CSGALNACT1: variants seen among roughly 807,000 people sequenced by gnomAD.
The protein encoded by CSGALNACT1 is beta4GalNAcT-1.
CSGALNACT1 carries 52 observed loss-of-function variants against 51.0 expected under a neutral mutation model. That is an observed-to-expected ratio of 1.02 (90% CI 0.82 to 1.29). CSGALNACT1 has a LOEUF of 1.29. Ranked by LOEUF, CSGALNACT1 falls within the 50% of genes most tolerant of loss-of-function variation. CSGALNACT1 has a pLI of 0.00. For missense variants in CSGALNACT1, 935 were observed against 679.2 expected (o/e 1.38, Z -4.19); for synonymous variants, 341 against 254.4 (o/e 1.34, Z -3.24).
intron 1 of CSGALNACT1, among the ~76,000 whole-genome samples, chr8:19,650,765 G>A (rs1198467643): frequency 2.0e-5 from 3 of 152,194 alleles, no homozygotes; most frequent in Admixed American, 2.0e-4. Flanking sequence ...TGTTTGGAAT[G>A]AGGAATACAT....
chr8:19,487,286 C>T (rs188744221), intron 4 of CSGALNACT1, among the ~76,000 whole-genome samples: 3 of 152,284 alleles, frequency 2.0e-5, no homozygotes, highest in East Asian at 3.9e-4. Context: ...CAAATGAGAA[C>T]ATTTCACCTC....
At chr8:19,616,413 T>C (rs907723011) in intron 1 of CSGALNACT1, among the ~76,000 whole-genome samples, 2 of 151,886 alleles carry the variant, frequency 1.3e-5, no homozygotes, top group Non-Finnish European at 2.9e-5. Flanking sequence ...GAAAAAAAAA[T>C]TGTAGAATCC....
intron 1 of CSGALNACT1, among the ~76,000 whole-genome samples, chr8:19,717,275 C>G (rs561576797): frequency 6.6e-6 from 1 of 152,330 alleles, no homozygotes; most frequent in Non-Finnish European, 1.5e-5. Context: ...TCATTAACCT[C>G]GTGTGACAGA....
intron 4 of CSGALNACT1, among the ~76,000 whole-genome samples, chr8:19,501,177 G>C (rs1380856108): frequency 2.0e-5 from 3 of 151,288 alleles, no homozygotes; most frequent in Admixed American, 6.6e-5. Flanking sequence ...CCGAAACTGG[G>C]AGACAGAGGT....
chr8:19,513,363 G>A (rs1369518573), intron 3 of CSGALNACT1, among the ~76,000 whole-genome samples: 1 of 147,230 alleles, frequency 6.8e-6, no homozygotes, highest in East Asian at 2.1e-4. Flanking sequence ...AGACCCTAAC[G>A]CTCCCAATTC....
intron 8 of CSGALNACT1, among the ~76,000 whole-genome samples, chr8:19,414,106 G>T (rs1291782884): frequency 1.3e-5 from 2 of 152,122 alleles, no homozygotes; most frequent in Non-Finnish European, 2.9e-5. Context: ...AGGCCACGGT[G>T]GGAGTATTTA....
At chr8:19,695,242 A>C (rs1181654635) in intron 1 of CSGALNACT1, among the ~76,000 whole-genome samples, 1 of 152,160 alleles carries the variant, frequency 6.6e-6, no homozygotes, top group Non-Finnish European at 1.5e-5. Context: ...AAATAATTTG[A>C]ATTGTAAGAT....
At chr8:19,617,323 G>T (rs918915116) in intron 1 of CSGALNACT1, among the ~76,000 whole-genome samples, 1 of 152,182 alleles carries the variant, frequency 6.6e-6, no homozygotes, top group Non-Finnish European at 1.5e-5. Flanking sequence ...GTTCCTAGCA[G>T]GCCATGGATG....
chr8:19,458,451 A>G (rs770695314), exon 5 of CSGALNACT1: 1 of 1,614,184 alleles, frequency 6.2e-7, no homozygotes, highest in Non-Finnish European at 8.5e-7. Context: ...AACTGCCGGA[A>G]CTTGTCCACC....
intron 1 of CSGALNACT1, among the ~76,000 whole-genome samples, chr8:19,675,516 G>GTCTC (rs1198739109): frequency 1.3e-5 from 2 of 151,922 alleles, no homozygotes; most frequent in Non-Finnish European, 2.9e-5. Flanking sequence ...CCCAGACAGA[G>GTCTC]TCTCCTCTGA....
intron 1 of CSGALNACT1, among the ~76,000 whole-genome samples, chr8:19,666,399 A>G (rs975484751): frequency 6.6e-6 from 1 of 152,112 alleles, no homozygotes; most frequent in Non-Finnish European, 1.5e-5. Flanking sequence ...CAATTCATCT[A>G]TTAACATTTT....
chr8:19,553,204 G>A (rs1335509079), intron 3 of CSGALNACT1, among the ~76,000 whole-genome samples: 1 of 151,924 alleles, frequency 6.6e-6, no homozygotes, highest in Non-Finnish European at 1.5e-5. Flanking sequence ...ATGACCTCAG[G>A]TTAAAAAGAG....
At chr8:19,456,109 T>C (rs1252104903) in intron 5 of CSGALNACT1, among the ~76,000 whole-genome samples, 2 of 152,256 alleles carry the variant, frequency 1.3e-5, no homozygotes, top group Non-Finnish European at 2.9e-5. Flanking sequence ...GTTTTGAGGC[T>C]TGTAAGCTAC....
At chr8:19,733,303 T>G (rs1227935853) in intron 1 of CSGALNACT1, among the ~76,000 whole-genome samples, 1 of 152,222 alleles carries the variant, frequency 6.6e-6, no homozygotes, top group Non-Finnish European at 1.5e-5. Context: ...AACTTGCTCC[T>G]TGTGGTATGT....
At chr8:19,501,328 T>TCA (rs1476571625) in intron 4 of CSGALNACT1, among the ~76,000 whole-genome samples, 2 of 151,854 alleles carry the variant, frequency 1.3e-5, no homozygotes, top group Non-Finnish European at 2.9e-5. Flanking sequence ...CCTTAATCCC[T>TCA]TATATATATG....
intron 3 of CSGALNACT1, among the ~76,000 whole-genome samples, chr8:19,518,134 G>A (rs1028366032): frequency 5.3e-5 from 8 of 152,184 alleles, no homozygotes; most frequent in Admixed American, 2.0e-4. Context: ...CCCCAGCCAA[G>A]TACTTTCTGA....
chr8:19,448,274 T>G (rs1219079886), intron 5 of CSGALNACT1, among the ~76,000 whole-genome samples: 1 of 152,170 alleles, frequency 6.6e-6, no homozygotes, highest in Non-Finnish European at 1.5e-5. Flanking sequence ...AATAAACACT[T>G]ACTGGGCACC....
At chr8:19,543,785 T>C (rs1014136815) in intron 3 of CSGALNACT1, among the ~76,000 whole-genome samples, 1 of 152,216 alleles carries the variant, frequency 6.6e-6, no homozygotes, top group African/African-American at 2.4e-5. Context: ...CAATTAATAA[T>C]AACTGTAAGT....
At chr8:19,733,408 C>T (rs1390459195) in intron 1 of CSGALNACT1, among the ~76,000 whole-genome samples, 1 of 152,196 alleles carries the variant, frequency 6.6e-6, no homozygotes, top group African/African-American at 2.4e-5. Context: ...TTGCCTACTT[C>T]AAAAACCTAT....
Sources: allele counts gnomAD v4.1 joint callset (sites outside exome capture counted in the v4.1 genomes callset), GRCh38; gene constraint gnomAD v4.1.1; transcripts MANE v1.5; gene names NCBI Gene and HGNC (gene_info 2026-07-23, HGNC 2026-07-21).